The following RGS7 variants were observed in gnomAD, a reference collection of about 807,000 sequenced individuals.
RGS7 encodes the protein regulator of G-protein signaling 7.
A neutral mutation model predicts 81.1 loss-of-function variants in RGS7; 27 were observed. The ratio of observed to expected loss-of-function variants is 0.33; its 90% confidence interval spans 0.25 to 0.46. The LOEUF is 0.46. Among genes scored for constraint, RGS7 ranks in the 20% least tolerant of loss-of-function variants. The pLI is 1.00. For synonymous variants in RGS7, 208 were observed against 207.7 expected (o/e 1.00, Z -0.01); for missense variants, 396 against 607.4 (o/e 0.65, Z 3.66).
chr1:240,890,826 A>C (rs141399546), intron 6 of RGS7, among the ~76,000 whole-genome samples: 506 of 150,328 alleles, frequency 3.4e-3, no homozygotes, highest in Non-Finnish European at 3.4e-3. Context: ...GTCTGGGAAG[A>C]GCCATTCTAA....
At chr1:241,019,063 T>G (rs1026384394) in intron 3 of RGS7, among the ~76,000 whole-genome samples, 2 of 152,112 alleles carry the variant, frequency 1.3e-5, no homozygotes, top group African/African-American at 4.8e-5. Flanking sequence ...CTGGTGCTGT[T>G]TTTAAAGGGA....
At chr1:240,932,316 G>GC (rs1675589432) in intron 5 of RGS7, among the ~76,000 whole-genome samples, 1 of 151,862 alleles carries the variant, frequency 6.6e-6, no homozygotes, top group African/African-American at 2.4e-5. Flanking sequence ...TCTGAAGAAA[G>GC]AAAAAAAGAC....
At position 240,867,728 on chromosome 1, in the gene RGS7, C is replaced by T. The variant is rs147990778; in HGVS notation, c.609+859G>A. On this transcript the variant is annotated intron_variant, in intron 9 of 18. Coordinates refer to ENST00000440928, the MANE Select transcript of RGS7 (RefSeq NM_001364886.1). ...TTAAGAAAGAAAATCAGGCTGGGCA[C>T]GGTGGCTCATGCCTGCAATCCCAGA... Among the ~76,000 whole-genome samples the T allele has an allele frequency of 2.1e-3, 323 of 152,250 alleles. 1 individual carries two copies. The highest frequency in any genetic ancestry group is 7.1e-3 in the East Asian group (37 of 5,176).
At chr1:240,803,084 A>G in intron 15 of RGS7, 91 bp from the exon 16 acceptor site, 1 of 859,110 alleles carries the variant, frequency 1.2e-6, no homozygotes, top group Non-Finnish European at 2.0e-6. Flanking sequence ...GAACAAATCT[A>G]GTAGCAGCGA....
rs142198054 is a variant in RGS7 at position 240,868,039 on chromosome 1, A to AAAAGAAAGAAAGAAAG, written c.609+532_609+547dup. Among the ~76,000 whole-genome samples the AAAAGAAAGAAAGAAAG allele has an allele frequency of 6.0e-5, 9 of 150,738 alleles. No individual in the cohort carries two copies. The highest frequency in any genetic ancestry group is 2.2e-4 in the African/African-American group (9 of 40,966). On this transcript the variant is annotated intron_variant, in intron 9 of 18. Transcript: ENST00000440928. This position sits in a 1 kb window ranked among gnomAD's most constrained non-coding sequence, Gnocchi z 5.1. ...AGAAAGAAAGAAAAGAAAAGAAGAG[A>AAAAGAAAGAAAGAAAG]AAAGAAAGAAAGAAAGAAAGAAAAG...
intron 4 of RGS7, among the ~76,000 whole-genome samples, chr1:240,967,826 T>C (rs1187585630): frequency 1.3e-5 from 2 of 152,202 alleles, no homozygotes; most frequent in South Asian, 2.1e-4. Context: ...TTTATTTTCT[T>C]CTTTTTATTT....
chr1:241,226,950 CT>C (rs1225460242), intron 2 of RGS7, among the ~76,000 whole-genome samples: 1 of 152,120 alleles, frequency 6.6e-6, no homozygotes, highest in Non-Finnish European at 1.5e-5. Flanking sequence ...TTCTCATCAT[CT>C]TTTTATGTTA....
intron 3 of RGS7, among the ~76,000 whole-genome samples, chr1:241,058,862 C>T (rs1483968327): frequency 1.3e-5 from 2 of 152,198 alleles, no homozygotes; most frequent in East Asian, 3.9e-4. Flanking sequence ...CAGGCATTGA[C>T]TGAATACTCT....
rs988672640 is a variant in RGS7 at position 241,144,125 on chromosome 1, C to G, written c.79-45363G>C. The stretch of plus-strand genomic sequence containing the variant: ...TTTTACTAGCTTTTATAGTAAAAAT[C>G]TAGCTTTTCTAGTTTGTTCTTCATA... On this transcript the variant is annotated intron_variant, in intron 2 of 18. Coordinates refer to ENST00000440928, the MANE Select transcript of RGS7 (RefSeq NM_001364886.1). This position sits in a 1 kb window ranked among gnomAD's most constrained non-coding sequence, Gnocchi z 4.7. 6.6e-6 allele frequency among the ~76,000 whole-genome samples: 1 copy of G among 152,048 alleles called. No individual in the cohort carries two copies. The highest frequency in any genetic ancestry group is 2.4e-5 in the African/African-American group (1 of 41,390).
chr1:241,307,945 G>T (rs545493205), intron 2 of RGS7, among the ~76,000 whole-genome samples: 1 of 152,208 alleles, frequency 6.6e-6, no homozygotes, highest in East Asian at 1.9e-4. Context: ...TGAGGATTTC[G>T]GTCATGTGTT....
intron 2 of RGS7, among the ~76,000 whole-genome samples, chr1:241,344,463 G>A (rs2082764275): frequency 6.6e-6 from 1 of 152,136 alleles, no homozygotes; most frequent in South Asian, 2.1e-4. Context: ...ATTTATACAA[G>A]CTTTACATGC....
chr1:240,936,814 T>G (rs1422974903), intron 4 of RGS7, 108 bp from the exon 5 acceptor site: 3 of 814,060 alleles, frequency 3.7e-6, no homozygotes, highest in Non-Finnish European at 6.2e-6. Context: ...AGTAAGTTCC[T>G]CTTGAAAGAT....
intron 3 of RGS7, among the ~76,000 whole-genome samples, chr1:240,999,500 A>G (rs781662118): frequency 2.0e-5 from 3 of 152,154 alleles, no homozygotes; most frequent in African/African-American, 4.8e-5. Flanking sequence ...AATCTTTGTA[A>G]GCTAATCTAT....
At chr1:241,251,372 T>A (rs2076817790) in intron 2 of RGS7, among the ~76,000 whole-genome samples, 1 of 152,172 alleles carries the variant, frequency 6.6e-6, no homozygotes, top group African/African-American at 2.4e-5. Context: ...ATGTACTCAC[T>A]GTAGAGAAAA....
At chr1:241,044,844 A>G (rs1430589315) in intron 3 of RGS7, among the ~76,000 whole-genome samples, 1 of 152,218 alleles carries the variant, frequency 6.6e-6, no homozygotes. Context: ...ATAAGTTAAC[A>G]CAAGAATTTA....
At chr1:241,077,268 GT>G (rs1375165326) in intron 3 of RGS7, among the ~76,000 whole-genome samples, 1 of 152,172 alleles carries the variant, frequency 6.6e-6, no homozygotes, top group Non-Finnish European at 1.5e-5. Context: ...CTGTTTCCCT[GT>G]AAACAAGCTG....
Position 241,142,761 on chromosome 1 carries a change from C to T in RGS7, c.79-43999G>A, listed in dbSNP as rs568742071. Among the ~76,000 whole-genome samples, 246 of 152,334 alleles carry T rather than the reference C, an allele frequency of 1.6e-3. 6 individuals are homozygous for T. In the South Asian group the frequency reaches 0.048, roughly 30 times the overall value. ...TTGTCTTGGTAATTAACATTCAGCT[C>T]CTCCTTACATATGCAAATTTATGCA... is the stretch of plus-strand genomic sequence containing the variant. On this transcript the variant is annotated intron_variant, in intron 2 of 18. Transcript: ENST00000440928.
At chr1:241,288,266 G>A (rs1236468695) in intron 2 of RGS7, among the ~76,000 whole-genome samples, 1 of 152,182 alleles carries the variant, frequency 6.6e-6, no homozygotes, top group Admixed American at 6.5e-5. Flanking sequence ...GTGAAACATG[G>A]GCTAAGTGAG....
intron 6 of RGS7, among the ~76,000 whole-genome samples, chr1:240,915,037 G>T (rs536453196): frequency 6.6e-6 from 1 of 152,324 alleles, no homozygotes; most frequent in African/African-American, 2.4e-5. Flanking sequence ...ACACATTTGT[G>T]ACTTTTACTT....
Sources: gnomAD v4.1 joint callset for allele counts (sites outside exome capture counted in the v4.1 genomes callset) on GRCh38, gnomAD v4.1.1 for gene constraint, Gnocchi (gnomAD v3.1) non-coding constraint, MANE v1.5 for transcripts, NCBI Gene and HGNC (gene_info 2026-07-23, HGNC 2026-07-21) for gene names.